The following MTOR variants were observed in gnomAD, a reference collection of about 807,000 sequenced individuals.
MTOR encodes serine/threonine-protein kinase mTOR.
A neutral mutation model predicts 319.8 loss-of-function variants in MTOR; 70 were observed. That is an observed-to-expected ratio of 0.22 (90% CI 0.18 to 0.27). The LOEUF is 0.27. Ranked by LOEUF, MTOR falls within the 10% of genes least tolerant of loss-of-function variation. The pLI, the probability that MTOR is intolerant of heterozygous loss-of-function variation, is 1.00. For missense variants in MTOR, 1,890 were observed against 3,274.4 expected, an observed-to-expected ratio of 0.58 and a Z score of 10.32; for synonymous variants, 1,183 against 1,211.4, an observed-to-expected ratio of 0.98 and a Z score of 0.49.
chr1:11,234,073 A>G, intron 14 of MTOR, 70 bp downstream of exon 14: 1 of 1,608,416 alleles, frequency 6.2e-7, no homozygotes, highest in Non-Finnish European at 8.5e-7. Context: ...GAACACTGAA[A>G]CACTCCCATC....
In MTOR at chr1:11,146,711, C is replaced by T. The variant is rs761445795; in HGVS notation, c.4651G>A (p.Ala1551Thr). ...HDGAFYRAVL[A>T]LHQDLFSLAQ... ...AAGGAGAAGAGGTCCTGATGCAGTG[C>T]CAGCACAGCTCTATAAAATGCCCCA... The change falls in exon 32 of 58, where the codon GCA (alanine) becomes ACA (threonine). Residue 1551 changes from alanine (A) to threonine (T), a missense_variant. By Grantham distance (58) the Ala-to-Thr change is moderately conservative (BLOSUM62 0). Coordinates refer to ENST00000361445, the MANE Select transcript of MTOR (RefSeq NM_004958.4). The T allele has an allele frequency of 1.2e-6, 2 of 1,614,078 alleles. No homozygotes were observed. The highest frequency in any genetic ancestry group is 8.5e-7 in the Non-Finnish European group (1 of 1,180,008).
rs1645882286 is a variant in MTOR at position 11,199,156 on chromosome 1, GA to G, written c.4253+101del. 6.8e-7 allele frequency: 1 copy of G among 1,475,748 alleles called. No individual in the cohort carries two copies. Among genetic ancestry groups the G allele is most frequent in the East Asian group, 2.3e-5 (1 of 43,974 alleles). 91.4% of individuals were successfully genotyped at this position (1,475,748 alleles called of 1,614,324 possible). On this transcript the variant is annotated intron_variant, in intron 28 of 57. Transcript: ENST00000361445. The surrounding 1 kb of genome is among the most constrained non-coding windows in gnomAD (Gnocchi z 4.5). ...GCCAGACCCAGAGGCAGATTTCACAGAGCAGAAGTCTTCAAGTGACTCCAGT... is the reference window on the plus strand; with the variant it reads ...GCCAGACCCAGAGGCAGATTTCACAGGCAGAAGTCTTCAAGTGACTCCAGT...
chr1:11,243,131 T>G lies in MTOR; in HGVS notation c.1395A>C (p.Pro465=). Residue 465 remains proline (P), a synonymous_variant, in exon 9 of 58, where the codon CCA becomes CCC. Coordinates refer to ENST00000361445, the MANE Select transcript of MTOR (RefSeq NM_004958.4). ...VLDIIRAALP[P]KDFAHKRQKA... ...GTGCTTACTTATGGGCGAAGTCCTT[T>G]GGGGGCAGGGCCGCTCGGATGATGT... The G allele has an allele frequency of 6.2e-7, 1 of 1,614,140 alleles. No individual in the cohort carries two copies. Among genetic ancestry groups the G allele is most frequent in the Non-Finnish European group, 8.5e-7 (1 of 1,180,032 alleles).
chr1:11,168,266 A>ACTCCTGGGCTCAAGTGATC (rs1473949077), intron 28 of MTOR, among the ~76,000 whole-genome samples: 1 of 146,924 alleles, frequency 6.8e-6, no homozygotes, highest in Non-Finnish European at 1.5e-5. Context: ...CTGGTCTCGG[A>ACTCCTGGGCTCAAGTGATC]CTCCTGGGCT....
intron 24 of MTOR, among the ~76,000 whole-genome samples, chr1:11,210,146 G>A (rs2100784647): frequency 6.6e-6 from 1 of 152,134 alleles, no homozygotes; most frequent in Admixed American, 6.5e-5. Flanking sequence ...GGGATTACAG[G>A]CATGAGCCCC....
intron 19 of MTOR, among the ~76,000 whole-genome samples, chr1:11,221,372 T>C (rs143068957): frequency 1.3e-5 from 2 of 152,272 alleles, no homozygotes; most frequent in South Asian, 2.1e-4. Context: ...ATAAGCCAAG[T>C]TGGCTGCACA....
chr1:11,238,648 A>C (rs759895974), intron 11 of MTOR, 31 bp from the exon 12 acceptor site: 20 of 1,570,236 alleles, frequency 1.3e-5, no homozygotes, highest in Non-Finnish European at 1.7e-5. Context: ...AAAACAGAAT[A>C]AACACTGCTG....
At position 11,189,515 on chromosome 1, in the gene MTOR, GACC is replaced by G. The variant is rs369368705; in HGVS notation, c.4253+9740_4253+9742del. ...TCAGTCAGCCTGCTGCAGCTTTGCA[GACC>G]TCAGCTGGGCATCTCCAGACTCCCC... On this transcript the variant is annotated intron_variant, in intron 28 of 57. Coordinates refer to ENST00000361445, the MANE Select transcript of MTOR (RefSeq NM_004958.4). 615 of 1,516,186 alleles carry G rather than the reference GACC, an allele frequency of 4.1e-4. 2 individuals carry two copies. In the African/African-American group the frequency reaches 6.9e-3, roughly 17 times the overall value. 93.9% of individuals were successfully genotyped at this position (1,516,186 alleles called of 1,614,324 possible). A position where few individuals can be genotyped will look rare whatever the true frequency, so the allele number is the denominator to read the frequency against.
chr1:11,135,703 C>G (rs866148069), intron 36 of MTOR, among the ~76,000 whole-genome samples: 41 of 148,352 alleles, frequency 2.8e-4, no homozygotes, highest in Admixed American at 4.0e-4. Context: ...CGTGGTGGGG[C>G]GCGCCTGTAA....
chr1:11,219,684 A>G (rs1646593693), intron 19 of MTOR, among the ~76,000 whole-genome samples: 2 of 152,196 alleles, frequency 1.3e-5, no homozygotes. Flanking sequence ...TATATATAAT[A>G]GAAGTATTCG....
At chr1:11,126,546 A>G (rs1642848991) in intron 46 of MTOR, 76 bp downstream of exon 46, 1 of 1,487,518 alleles carries the variant, frequency 6.7e-7, no homozygotes, top group Non-Finnish European at 9.2e-7. Flanking sequence ...GGCAAGCAGT[A>G]ATTTCAGAAG....
chr1:11,244,450 T>A (rs1324294901), intron 8 of MTOR, among the ~76,000 whole-genome samples: 1 of 151,570 alleles, frequency 6.6e-6, no homozygotes, highest in African/African-American at 2.4e-5. Flanking sequence ...CTGCACAACA[T>A]GATGAAACCC....
In MTOR at chr1:11,135,964, G is replaced by A. The variant is rs960459781; in HGVS notation, c.5131-1498C>T. On this transcript the variant is annotated intron_variant, in intron 36 of 57. Coordinates refer to ENST00000361445, the MANE Select transcript of MTOR (RefSeq NM_004958.4). ...AGCCTGGCCAATATGGTGAAACCCC[G>A]TCTCTACTAAAAATACAAAAATTAG... Among the ~76,000 whole-genome samples, 11 of 151,696 alleles carry A rather than the reference G, an allele frequency of 7.3e-5. No individual in the cohort carries two copies. The South Asian group carries it at 8.4e-4, about 12-fold the overall frequency.
At chr1:11,166,507 T>C (rs979821520) in intron 29 of MTOR, among the ~76,000 whole-genome samples, 1 of 152,116 alleles carries the variant, frequency 6.6e-6, no homozygotes, top group African/African-American at 2.4e-5. Flanking sequence ...TGCTCATCAC[T>C]GGCCATCAGA....
intron 10 of MTOR, among the ~76,000 whole-genome samples, chr1:11,241,117 C>T (rs533078705): frequency 1.4e-4 from 21 of 151,624 alleles, no homozygotes; most frequent in African/African-American, 5.1e-4. Context: ...GTCAGGAGAT[C>T]GAGACCATCC....
At chr1:11,257,632 T>C (rs1400245851) in intron 3 of MTOR, among the ~76,000 whole-genome samples, 1 of 150,794 alleles carries the variant, frequency 6.6e-6, no homozygotes, top group African/African-American at 2.4e-5. Flanking sequence ...AGTACATTTC[T>C]AGATGGCAAG....
chr1:11,184,657 C>T (rs965200049), intron 28 of MTOR, among the ~76,000 whole-genome samples: 1 of 152,024 alleles, frequency 6.6e-6, no homozygotes, highest in Non-Finnish European at 1.5e-5. Context: ...CTTCAGCTCA[C>T]GAGTTCCAGG....
intron 4 of MTOR, 70 bp downstream of exon 4, chr1:11,256,863 G>A (rs1447401537): frequency 2.8e-6 from 4 of 1,451,016 alleles, no homozygotes; most frequent in Non-Finnish European, 3.8e-6. Flanking sequence ...GCCTCAGAAG[G>A]AAGCAAAAGA....
At chr1:11,189,699 C>A (rs1483505432) in intron 28 of MTOR, 2 of 1,614,198 alleles carry the variant, frequency 1.2e-6, no homozygotes, top group Non-Finnish European at 1.7e-6. Flanking sequence ...AGCCACAGCT[C>A]AAAGCGGCCA....
Sources: gnomAD v4.1 joint callset for allele counts (sites outside exome capture counted in the v4.1 genomes callset) on GRCh38, gnomAD v4.1.1 for gene constraint, Gnocchi (gnomAD v3.1) non-coding constraint, MANE v1.5 for transcripts, NCBI Gene and HGNC (gene_info 2026-07-23, HGNC 2026-07-21) for gene names.